The following ATE1 variants were observed in gnomAD, a reference collection of about 807,000 sequenced individuals.
ATE1 encodes the protein arginyl-tRNA--protein transferase 1.
In ATE1, 36 loss-of-function variants were observed where a neutral mutation model predicts 70.5. The ratio of observed to expected loss-of-function variants is 0.51; its 90% CI spans 0.39 to 0.67. The LOEUF (loss-of-function observed/expected upper bound fraction) is 0.67, where lower values mean the gene tolerates loss of function less well. Among genes scored for constraint, ATE1 ranks in the 30% least tolerant of loss-of-function variants. The probability of loss-of-function intolerance (pLI) is 0.00; values close to 1 mark genes in which losing one functional copy is unlikely to be tolerated. For missense variants in ATE1, 593 were observed against 629.5 expected (o/e 0.94, Z 0.62); for synonymous variants, 232 against 219.3 (o/e 1.06, Z -0.51).
At chr10:121,810,267 T>C (rs1947266643) in intron 10 of ATE1, among the ~76,000 whole-genome samples, 1 of 152,136 alleles carries the variant, frequency 6.6e-6, no homozygotes, top group Admixed American at 6.5e-5. Flanking sequence ...AATATGTTTT[T>C]TGTTTGTTTG....
At chr10:121,783,476 A>G (rs1946079613) in intron 11 of ATE1, among the ~76,000 whole-genome samples, 1 of 152,086 alleles carries the variant, frequency 6.6e-6, no homozygotes, top group South Asian at 2.1e-4. Context: ...ACACTTCGAC[A>G]GCTCAAAAAC....
chr10:121,820,096 C>A (rs1016816154), intron 10 of ATE1, among the ~76,000 whole-genome samples: 3 of 151,866 alleles, frequency 2.0e-5, no homozygotes, highest in Non-Finnish European at 2.9e-5. Flanking sequence ...GAGCCAAGAT[C>A]ATCCCACTGT....
chr10:121,899,991 T>A lies in ATE1; in HGVS notation c.817A>T (p.Arg273Trp), dbSNP rs1337387586. The A allele has an allele frequency of 6.2e-7, 1 of 1,612,934 alleles. No homozygotes were observed. Among genetic ancestry groups the A allele is most frequent in the Admixed American group, 1.7e-5 (1 of 59,880 alleles). The part of the protein sequence containing the change: ...PENASHKLEV[R>W]VVRSSPPSSQ... ...CTTGGTGGAGATGATCTCACCACCC[T>A]CACCTTCAGAAGCAGTTAAAAAAAC... Residue 273 changes from arginine to tryptophan, a missense_variant, in exon 7 of 12, where the codon AGG (arginine) becomes TGG (tryptophan). By Grantham distance (101) the Arg-to-Trp change is moderately radical. This residue lies in a region of ATE1 where 467 missense variants were observed against 469.6 expected (regional missense o/e 0.99). Coordinates refer to ENST00000224652, the MANE Select transcript of ATE1 (RefSeq NM_001001976.3).
intron 5 of ATE1, among the ~76,000 whole-genome samples, chr10:121,906,766 T>G (rs1488870708): frequency 6.6e-6 from 1 of 151,856 alleles, no homozygotes; most frequent in African/African-American, 2.4e-5. Context: ...CCCCAGCTAA[T>G]TTTTGTATTT....
rs750095266 is a variant in ATE1 at position 121,911,110 on chromosome 10, C to G, written c.379G>C (p.Asp127His). 22 of 1,609,998 alleles carry G rather than the reference C, an allele frequency of 1.4e-5. 1 individual carries two copies. In the Admixed American group the frequency reaches 3.8e-4, roughly 27 times the overall value. Reference sequence around the variant, plus strand: ...TCCAGTTTATTTATCAATGCAAAGTCACCCGCAACAGCATCATCCATTGTG... The same window carrying G: ...TCCAGTTTATTTATCAATGCAAAGTGACCCGCAACAGCATCATCCATTGTG... The part of the protein sequence containing the change: ...DSTMDDAVAG[D>H]FALINKLDIQ... Residue 127 changes from aspartate to histidine, a missense_variant, in exon 5 of 12, where the codon GAC becomes CAC. Physicochemically the swap from Asp to His is moderately conservative, Grantham distance 81 (BLOSUM62 -1). Transcript: ENST00000224652.
At position 121,743,268 on chromosome 10, in the gene ATE1, G is replaced by A. The variant is rs1335173694; in HGVS notation, c.*412C>T. On this transcript the variant is annotated 3_prime_UTR_variant, in exon 12 of 12. Transcript: ENST00000224652. The stretch of plus-strand genomic sequence containing the variant: ...AACTTTCTACCTTCCCCATACTTAA[G>A]GTTTCCTAGCATAAGTTCAGTTTAA... 6.5e-6 allele frequency: 1 copy of A among 154,670 alleles called. No individual in the cohort carries two copies. The highest frequency in any genetic ancestry group is 2.4e-5 in the African/African-American group (1 of 41,490). The allele number at this position is 154,670 out of a possible 1,614,324, so 9.6% of individuals were successfully genotyped here. A position where few individuals can be genotyped will look rare whatever the true frequency, so the allele number is the denominator to read the frequency against.
At chr10:121,911,748 A>G (rs777903211) in intron 4 of ATE1, among the ~76,000 whole-genome samples, 16 of 142,718 alleles carry the variant, frequency 1.1e-4, no homozygotes, top group Non-Finnish European at 3.2e-5. Flanking sequence ...GTGAGGAAAG[A>G]AACAGACTTT....
intron 11 of ATE1, among the ~76,000 whole-genome samples, chr10:121,747,713 T>G (rs763012929): frequency 2.0e-4 from 31 of 152,238 alleles, no homozygotes; most frequent in Non-Finnish European, 4.1e-4. Flanking sequence ...TGTTCCTGCT[T>G]AGATCCTGAT....
chr10:121,760,248 C>T (rs904455291), intron 11 of ATE1, among the ~76,000 whole-genome samples: 2 of 152,166 alleles, frequency 1.3e-5, no homozygotes, highest in African/African-American at 4.8e-5. Flanking sequence ...TTTCCATTTT[C>T]AAGTCTTACT....
chr10:121,891,015 T>C (rs970738428), intron 7 of ATE1, among the ~76,000 whole-genome samples: 1 of 152,196 alleles, frequency 6.6e-6, no homozygotes, highest in Non-Finnish European at 1.5e-5. Context: ...CTGAGGTATA[T>C]ACCCTGGTTC....
At chr10:121,761,561 G>A (rs1411656910) in intron 11 of ATE1, among the ~76,000 whole-genome samples, 1 of 152,182 alleles carries the variant, frequency 6.6e-6, no homozygotes, top group Middle Eastern at 3.4e-3. Context: ...AATAATTTGT[G>A]TGACTTGCTT....
At chr10:121,762,080 A>G (rs7893923) in intron 11 of ATE1, among the ~76,000 whole-genome samples, 124,346 of 152,162 alleles carry the variant, frequency 0.82, 51,228 homozygotes, top group Non-Finnish European at 0.88. Context: ...CTTGTTCTCA[A>G]ATAAAATGGA....
Position 121,902,530 on chromosome 10 carries a change from G to C in ATE1, c.674C>G (p.Pro225Arg), listed in dbSNP as rs754746178. 3 of 1,614,066 alleles carry C rather than the reference G, an allele frequency of 1.9e-6. No homozygotes were observed. In the African/African-American group the frequency reaches 4.0e-5, roughly 22 times the overall value. The stretch of plus-strand genomic sequence containing the variant: ...CTGGAAACCCTCAAGTTCTCCAGCT[G>C]GGTTCTGCTGCATTAGTTTTAACCT... Reference protein sequence around the residue: ...RKRLKLMQQNPAGELEGFQAQ... With the variant: ...RKRLKLMQQNRAGELEGFQAQ... The change falls in exon 6 of 12, where the codon CCA becomes CGA. Residue 225 changes from proline (P) to arginine (R), a missense_variant. Pro to Arg is a moderately radical substitution (Grantham distance 103). Coordinates refer to ENST00000224652, the MANE Select transcript of ATE1 (RefSeq NM_001001976.3).
At chr10:121,797,919 T>A (rs944483289) in intron 10 of ATE1, among the ~76,000 whole-genome samples, 1 of 152,230 alleles carries the variant, frequency 6.6e-6, no homozygotes, top group Admixed American at 6.5e-5. Flanking sequence ...TTTATTTATA[T>A]CTATAGAAAA....
chr10:121,833,708 T>C (rs1948334889), intron 10 of ATE1, among the ~76,000 whole-genome samples: 1 of 152,124 alleles, frequency 6.6e-6, no homozygotes, highest in African/African-American at 2.4e-5. Flanking sequence ...AATTCTCTAG[T>C]TGGTCAGTGT....
intron 10 of ATE1, among the ~76,000 whole-genome samples, chr10:121,831,706 A>T (rs927335709): frequency 1.3e-5 from 2 of 152,200 alleles, no homozygotes; most frequent in African/African-American, 4.8e-5. Context: ...TAAATTTTCT[A>T]AAAAAATGGC....
chr10:121,825,191 A>G (rs1947958185), intron 10 of ATE1, among the ~76,000 whole-genome samples: 1 of 152,028 alleles, frequency 6.6e-6, no homozygotes, highest in African/African-American at 2.4e-5. Context: ...CCCAAGATGG[A>G]ATTATGGGAA....
At chr10:121,893,997 C>T (rs111552953) in intron 7 of ATE1, among the ~76,000 whole-genome samples, 16,056 of 151,902 alleles carry the variant, frequency 0.11, 2,677 homozygotes, top group African/African-American at 0.35. Flanking sequence ...ATTAGCCGGG[C>T]GTGGTGGCAC....
chr10:121,846,125 CA>C (rs34029723), intron 8 of ATE1, among the ~76,000 whole-genome samples: 1,592 of 57,502 alleles, frequency 0.028, 27 homozygotes, highest in African/African-American at 0.064. Flanking sequence ...TAGCACTATT[CA>C]AAAAAAAAAA....
Sources: allele counts gnomAD v4.1 joint callset (sites outside exome capture counted in the v4.1 genomes callset), GRCh38; gene constraint gnomAD v4.1.1; regional missense constraint gnomAD v4.1.1; transcripts MANE v1.5; gene names NCBI Gene and HGNC (gene_info 2026-07-23, HGNC 2026-07-21).